The following FAM178B variants were observed in gnomAD, a reference collection of about 807,000 sequenced individuals.
FAM178B encodes the protein family with sequence similarity 178 member B, also known as protein FAM178B.
A neutral mutation model predicts 91.7 loss-of-function variants in FAM178B; 82 were observed. The ratio of observed to expected loss-of-function variants is 0.89; its 90% confidence interval spans 0.75 to 1.07. The LOEUF (loss-of-function observed/expected upper bound fraction) is 1.07, where lower values mean the gene tolerates loss of function less well. FAM178B is among the 50% of genes least tolerant of loss of function. FAM178B has a pLI of 0.00. For missense variants in FAM178B, 769 were observed against 846.7 expected, an observed-to-expected ratio of 0.91 and a Z score of 1.14; for synonymous variants, 368 against 359.4, an observed-to-expected ratio of 1.02 and a Z score of -0.27.
intron 13 of FAM178B, among the ~76,000 whole-genome samples, chr2:96,895,890 T>TG (rs1365079191): frequency 6.6e-6 from 1 of 152,278 alleles, no homozygotes; most frequent in East Asian, 1.9e-4. Flanking sequence ...GCAGCTGGGC[T>TG]GGGGGCTAGG....
chr2:96,960,201 T>C, intron 6 of FAM178B, 87 bp downstream of exon 6: 1 of 1,452,080 alleles, frequency 6.9e-7, no homozygotes, highest in South Asian at 1.3e-5. Flanking sequence ...AACTTCCCCC[T>C]TTGGGGTGGC....
intron 8 of FAM178B, among the ~76,000 whole-genome samples, chr2:96,941,591 C>A (rs1050026999): frequency 6.6e-6 from 1 of 152,180 alleles, no homozygotes; most frequent in Non-Finnish European, 1.5e-5. Flanking sequence ...TGCTCAAGAA[C>A]GTGAAATGAA....
At chr2:96,936,200 T>C (rs1348174093) in intron 8 of FAM178B, among the ~76,000 whole-genome samples, 1 of 151,924 alleles carries the variant, frequency 6.6e-6, no homozygotes, top group Non-Finnish European at 1.5e-5. Context: ...TATTTATTTA[T>C]TTATTATTTA....
intron 1 of FAM178B, among the ~76,000 whole-genome samples, chr2:96,981,925 G>A (rs1236693823): frequency 6.6e-6 from 1 of 151,578 alleles, no homozygotes; most frequent in Non-Finnish European, 1.5e-5. Flanking sequence ...AAAATTAGCT[G>A]GGCATGGTGG....
In FAM178B at chr2:96,951,498, G is replaced by A. The variant is rs2081927515; in HGVS notation, c.888-14C>T. On this transcript the variant is annotated splice_polypyrimidine_tract_variant and intron_variant, in intron 6 of 16. Transcript: ENST00000490605. Reference sequence around the variant, plus strand: ...GCTGGCGGGGAGCTGGGAGGCAGAGGGCTGAGGTTAGGGGAGGCCTCTGTG... The same window carrying A: ...GCTGGCGGGGAGCTGGGAGGCAGAGAGCTGAGGTTAGGGGAGGCCTCTGTG... 2 of 1,547,822 alleles carry A rather than the reference G, an allele frequency of 1.3e-6. No homozygotes were observed. Among genetic ancestry groups the A allele is most frequent in the Non-Finnish European group, 8.7e-7 (1 of 1,143,568 alleles).
chr2:96,971,471 C>T (rs996514437), intron 3 of FAM178B, among the ~76,000 whole-genome samples: 2 of 152,114 alleles, frequency 1.3e-5, no homozygotes, highest in Non-Finnish European at 2.9e-5. Flanking sequence ...AGCTTACTCC[C>T]AATTTGAAGT....
At chr2:96,886,414 G>T (rs1199478592) in intron 14 of FAM178B, among the ~76,000 whole-genome samples, 1 of 152,186 alleles carries the variant, frequency 6.6e-6, no homozygotes, top group Non-Finnish European at 1.5e-5. Context: ...AAAGGATGAG[G>T]AGACCCAGGT....
In FAM178B at chr2:96,972,106, G is replaced by T. The variant is rs750505400; in HGVS notation, c.359C>A (p.Pro120Gln). 5.9e-6 allele frequency: 9 copies of T among 1,523,230 alleles called. No homozygotes were observed. Among genetic ancestry groups the T allele is most frequent in the Non-Finnish European group, 7.9e-6 (9 of 1,133,198 alleles). The allele number at this position is 1,523,230 out of a possible 1,614,324, so 94.4% of individuals were successfully genotyped here. The change falls in exon 3 of 17, where the codon CCG (proline) becomes CAG (glutamine). Residue 120 changes from proline to glutamine, a missense_variant. Transcript: ENST00000490605. ...CTCCCGACTGGCCTGCAGCACCCTC[G>T]GGTTGAGGAATTCCACGGGCGGGGG... ...WSPPPVEFLN[P>Q]RVLQASREAP...
chr2:96,933,787 G>C (rs2153371997), intron 8 of FAM178B, among the ~76,000 whole-genome samples: 1 of 152,300 alleles, frequency 6.6e-6, no homozygotes, highest in East Asian at 1.9e-4. Flanking sequence ...AGGAGGAGGG[G>C]AGGTCCCCAT....
At chr2:96,887,201 C>T (rs1001929609) in intron 14 of FAM178B, among the ~76,000 whole-genome samples, 13 of 150,398 alleles carry the variant, frequency 8.6e-5, no homozygotes, top group Non-Finnish European at 1.9e-4. Flanking sequence ...GGCAACACAG[C>T]GAGACTCTAT....
At chr2:96,982,419 T>C (rs1389985709) in intron 1 of FAM178B, among the ~76,000 whole-genome samples, 2 of 152,070 alleles carry the variant, frequency 1.3e-5, no homozygotes, top group Non-Finnish European at 2.9e-5. Flanking sequence ...TGCACCACCA[T>C]GCCTGGTTAA....
intron 5 of FAM178B, among the ~76,000 whole-genome samples, chr2:96,965,843 C>G (rs997103725): frequency 6.6e-6 from 1 of 152,122 alleles, no homozygotes; most frequent in African/African-American, 2.4e-5. Flanking sequence ...TTTGAGTCCT[C>G]TCTTACTCCT....
At chr2:96,890,273 C>T (rs1285522182) in intron 14 of FAM178B, among the ~76,000 whole-genome samples, 6 of 152,034 alleles carry the variant, frequency 3.9e-5, no homozygotes, top group South Asian at 4.2e-4. Flanking sequence ...AGCAAGACTC[C>T]GTCTCAATCA....
At chr2:96,953,065 T>C (rs1258987634) in intron 6 of FAM178B, among the ~76,000 whole-genome samples, 1 of 152,312 alleles carries the variant, frequency 6.6e-6, no homozygotes. Flanking sequence ...AGTTTACAAA[T>C]TGCATGTTTT....
At chr2:96,970,825 T>G in intron 3 of FAM178B, 48 bp from the exon 4 acceptor site, 1 of 1,340,742 alleles carries the variant, frequency 7.5e-7, no homozygotes, top group East Asian at 2.5e-5. Flanking sequence ...AGTACAAAGA[T>G]AGAGGAGAAA....
At chr2:96,879,266 C>T (rs1222813441) in intron 14 of FAM178B, among the ~76,000 whole-genome samples, 1 of 152,210 alleles carries the variant, frequency 6.6e-6, no homozygotes, top group Non-Finnish European at 1.5e-5. Flanking sequence ...CCTCTCGGCT[C>T]TCTCTTCATG....
At chr2:96,876,331 C>T (rs1247162507) in intron 16 of FAM178B, 23 bp from the exon 17 acceptor site, 1 of 1,587,338 alleles carries the variant, frequency 6.3e-7, no homozygotes, top group Middle Eastern at 1.7e-4. Flanking sequence ...GAAAAGCAGG[C>T]TGTGAGGGCC....
chr2:96,954,951 C>T (rs923603904), intron 6 of FAM178B, among the ~76,000 whole-genome samples: 1 of 152,050 alleles, frequency 6.6e-6, no homozygotes, highest in Admixed American at 6.5e-5. Context: ...CTTGGGAGGC[C>T]GAGGCAAGAG....
chr2:96,954,818 G>C lies in FAM178B; in HGVS notation c.888-3334C>G, dbSNP rs752588227. Reference sequence around the variant, plus strand: ...TAATCTCAGAACTTTGGAAGGCCCAGGCAGGAGGATAGCTTGAGGCCAGGA... The same window carrying C: ...TAATCTCAGAACTTTGGAAGGCCCACGCAGGAGGATAGCTTGAGGCCAGGA... On this transcript the variant is annotated intron_variant, in intron 6 of 16. Transcript: ENST00000490605. Among the ~76,000 whole-genome samples, 91 of 152,326 alleles carry C rather than the reference G, an allele frequency of 6.0e-4. 1 individual carries two copies. The highest frequency in any genetic ancestry group is 8.3e-4 in the South Asian group (4 of 4,828).
Sources: gnomAD v4.1 joint callset for allele counts (sites outside exome capture counted in the v4.1 genomes callset) on GRCh38, gnomAD v4.1.1 for gene constraint, MANE v1.5 for transcripts, NCBI Gene and HGNC (gene_info 2026-07-23, HGNC 2026-07-21) for gene names.